PPM1L: variants seen among roughly 807,000 people sequenced by gnomAD.
PPM1L encodes protein phosphatase, Mg2+/Mn2+ dependent 1L.
Under a neutral mutation model 31.4 loss-of-function variants are expected in PPM1L, and 13 were observed. The observed-to-expected ratio is 0.41, with a 90% CI of 0.27 to 0.66. The LOEUF (loss-of-function observed/expected upper bound fraction) is 0.66, where lower values mean the gene tolerates loss of function less well. PPM1L is among the 30% of genes least tolerant of loss of function. The pLI, the probability that PPM1L is intolerant of heterozygous loss-of-function variation, is 0.29. For synonymous variants in PPM1L, 184 were observed against 175.4 expected, an observed-to-expected ratio of 1.05 and a Z score of -0.39; for missense variants, 326 against 453.7, an observed-to-expected ratio of 0.72 and a Z score of 2.56.
chr3:160,772,841 CT>C (rs908624949), intron 1 of PPM1L, among the ~76,000 whole-genome samples: 3 of 151,722 alleles, frequency 2.0e-5, no homozygotes, highest in Admixed American at 6.6e-5. Context: ...TTTTTCTGGC[CT>C]TTTTTTTCTC....
intron 2 of PPM1L, among the ~76,000 whole-genome samples, chr3:160,998,322 TCA>T (rs1246405521): frequency 6.6e-6 from 1 of 152,210 alleles, no homozygotes; most frequent in African/African-American, 2.4e-5. Flanking sequence ...CACCTGTGTC[TCA>T]CTAGTTGTTA....
intron 1 of PPM1L, among the ~76,000 whole-genome samples, chr3:160,844,822 A>T (rs753166842): frequency 6.6e-6 from 1 of 152,078 alleles, no homozygotes; most frequent in South Asian, 2.1e-4. Flanking sequence ...GAGTTGTGCA[A>T]CTGTCATTCT....
intron 1 of PPM1L, among the ~76,000 whole-genome samples, chr3:160,846,441 G>A (rs574619607): frequency 1.3e-5 from 2 of 152,080 alleles, no homozygotes; most frequent in South Asian, 2.1e-4. Context: ...ATTACACATC[G>A]TCTCTTAAGT....
chr3:160,922,167 G>A (rs925811729), intron 1 of PPM1L, among the ~76,000 whole-genome samples: 7 of 152,002 alleles, frequency 4.6e-5, no homozygotes, highest in South Asian at 2.1e-4. Flanking sequence ...AAAATTAGCC[G>A]GGCGTGGTGG....
intron 1 of PPM1L, among the ~76,000 whole-genome samples, chr3:160,841,251 T>C (rs1226921795): frequency 6.6e-6 from 1 of 152,168 alleles, no homozygotes; most frequent in African/African-American, 2.4e-5. Context: ...TATGCAATGC[T>C]TATTAAGACC....
chr3:161,030,997 C>T (rs947092927), intron 2 of PPM1L, among the ~76,000 whole-genome samples: 2 of 152,150 alleles, frequency 1.3e-5, no homozygotes, highest in African/African-American at 2.4e-5. Context: ...ACCACACCTA[C>T]CCTCCCTCTT....
At chr3:160,955,771 C>T (rs368506566) in intron 1 of PPM1L, among the ~76,000 whole-genome samples, 2 of 151,948 alleles carry the variant, frequency 1.3e-5, no homozygotes, top group Non-Finnish European at 2.9e-5. Context: ...CTGCCTCAGC[C>T]TCCCGAGTAG....
chr3:160,935,955 G>A lies in PPM1L; in HGVS notation c.400-25781G>A, dbSNP rs1270535635. ...CATCTGATTGTGGGCAGGCCCTGCAGAAGAAACACATCTGGAGATTCGGCA... is the reference window on the plus strand; with the variant it reads ...CATCTGATTGTGGGCAGGCCCTGCAAAAGAAACACATCTGGAGATTCGGCA... On this transcript the variant is annotated intron_variant, in intron 1 of 3. Coordinates refer to ENST00000498165, the MANE Select transcript of PPM1L (RefSeq NM_139245.4). Among the ~76,000 whole-genome samples, 3 of 152,178 alleles carry A rather than the reference G, an allele frequency of 2.0e-5. No individual in the cohort carries two copies. The East Asian group carries it at 5.8e-4, about 29-fold the overall frequency.
At chr3:160,903,164 AGTGTGTGT>A (rs60731351) in intron 1 of PPM1L, among the ~76,000 whole-genome samples, 4 of 106,586 alleles carry the variant, frequency 3.8e-5, no homozygotes, top group South Asian at 3.5e-4. Flanking sequence ...TAGAAGCAAT[AGTGTGTGT>A]GTGTGTGTGT....
chr3:160,975,968 G>A, intron 2 of PPM1L, among the ~76,000 whole-genome samples: 2 of 146,258 alleles, frequency 1.4e-5, no homozygotes, highest in African/African-American at 5.1e-5. Context: ...CAAAGGGAAT[G>A]CTTCCAGTTT....
intron 1 of PPM1L, among the ~76,000 whole-genome samples, chr3:160,873,236 G>C (rs1712380169): frequency 6.6e-6 from 1 of 152,006 alleles, no homozygotes; most frequent in Non-Finnish European, 1.5e-5. Flanking sequence ...CAAGCATATG[G>C]GCATCTCTCC....
Position 160,844,701 on chromosome 3 carries a change from T to TACAAAC in PPM1L, c.399+87995_399+87996insCAAACA, listed in dbSNP as rs1199660956. 9.0e-4 allele frequency among the ~76,000 whole-genome samples: 137 copies of TACAAAC among 152,286 alleles called. 3 individuals carry two copies. The South Asian group carries it at 0.027, about 30-fold the overall frequency. ...GAGAACTGTTTGTCTAGCCCTAGGTTATGAAAATTTTTTCTATGTTTTTTA... is the reference window on the plus strand; with the variant it reads ...GAGAACTGTTTGTCTAGCCCTAGGTTACAAACATGAAAATTTTTTCTATGTTTTTTA... On this transcript the variant is annotated intron_variant, in intron 1 of 3. Transcript: ENST00000498165.
intron 2 of PPM1L, among the ~76,000 whole-genome samples, chr3:160,989,307 T>C (rs77375503): frequency 0.025 from 3,852 of 152,276 alleles, 77 homozygotes; most frequent in Non-Finnish European, 0.038. Context: ...TTTAAGTACC[T>C]TTCCTCTCTA....
chr3:160,811,195 C>T (rs577141451), intron 1 of PPM1L, among the ~76,000 whole-genome samples: 5 of 152,340 alleles, frequency 3.3e-5, no homozygotes, highest in South Asian at 2.1e-4. Flanking sequence ...GGTCTAAGTA[C>T]GGGGCCACTT....
At chr3:160,918,575 A>G (rs1195598364) in intron 1 of PPM1L, among the ~76,000 whole-genome samples, 1 of 152,354 alleles carries the variant, frequency 6.6e-6, no homozygotes, top group East Asian at 1.9e-4. Flanking sequence ...TAGCATAATA[A>G]AGAAGTTATG....
intron 1 of PPM1L, among the ~76,000 whole-genome samples, chr3:160,903,581 A>G (rs2108056225): frequency 6.6e-6 from 1 of 152,310 alleles, no homozygotes; most frequent in South Asian, 2.1e-4. Context: ...TATAAAATAT[A>G]CCATCAAAAT....
chr3:160,857,683 T>C (rs1364703489), intron 1 of PPM1L, among the ~76,000 whole-genome samples: 2 of 152,214 alleles, frequency 1.3e-5, no homozygotes, highest in African/African-American at 4.8e-5. Flanking sequence ...TGGTGCCTGC[T>C]CTTAAAGAGG....
chr3:160,936,269 T>G (rs1047979029), intron 1 of PPM1L, among the ~76,000 whole-genome samples: 10 of 152,106 alleles, frequency 6.6e-5, no homozygotes, highest in African/African-American at 2.4e-4. Context: ...TTTTTTGTAT[T>G]TTTAGTGGAG....
At chr3:160,931,936 T>C (rs537442979) in intron 1 of PPM1L, among the ~76,000 whole-genome samples, 1 of 152,352 alleles carries the variant, frequency 6.6e-6, no homozygotes, top group African/African-American at 2.4e-5. Context: ...TTCTGCCTTC[T>C]CAGAGACTTT....
Sources: allele counts gnomAD v4.1 joint callset (sites outside exome capture counted in the v4.1 genomes callset), GRCh38; gene constraint gnomAD v4.1.1; transcripts MANE v1.5; gene names NCBI Gene and HGNC (gene_info 2026-07-23, HGNC 2026-07-21).